SNTB1: variants seen among roughly 807,000 people sequenced by gnomAD.
The protein encoded by SNTB1 is syntrophin beta 1, also known as beta-1-syntrophin.
SNTB1 carries 36 observed loss-of-function variants against 48.9 expected under a neutral mutation model. That is an observed-to-expected ratio of 0.74 (90% CI 0.56 to 0.97). The LOEUF is 0.97. Among genes scored for constraint, SNTB1 ranks in the 50% least tolerant of loss-of-function variants. SNTB1 has a pLI of 0.00. For synonymous variants in SNTB1, 299 were observed against 294.6 expected (o/e 1.01, Z -0.15); for missense variants, 786 against 703.4 (o/e 1.12, Z -1.33).
rs1815887373 is a variant in SNTB1 at position 120,573,242 on chromosome 8, C to T, written c.1136+1844G>A. On this transcript the variant is annotated intron_variant, in intron 4 of 6. Coordinates refer to ENST00000517992, the MANE Select transcript of SNTB1 (RefSeq NM_021021.4). The stretch of plus-strand genomic sequence containing the variant: ...ATAAACAACACTCATTATCATTTGT[C>T]TTTTTGACAATAGCCATCCTAACAC... 2.0e-5 allele frequency among the ~76,000 whole-genome samples: 3 copies of T among 152,140 alleles called. No individual in the cohort carries two copies. In the South Asian group the frequency reaches 6.2e-4, roughly 32 times the overall value.
At position 120,632,427 on chromosome 8, in the gene SNTB1, G is replaced by C; in HGVS notation, c.996+17C>G. ...CTCGGGGAGGACGACTATTACAGAGGAAGGTATTTTCCTTACCTTTTCTGC... is the reference window on the plus strand; with the variant it reads ...CTCGGGGAGGACGACTATTACAGAGCAAGGTATTTTCCTTACCTTTTCTGC... On this transcript the variant is annotated intron_variant, in intron 3 of 6. Coordinates refer to ENST00000517992, the MANE Select transcript of SNTB1 (RefSeq NM_021021.4). 6.2e-7 allele frequency: 1 copy of C among 1,607,124 alleles called. No individual in the cohort carries two copies. Among genetic ancestry groups the C allele is most frequent in the Non-Finnish European group, 8.5e-7 (1 of 1,175,284 alleles).
intron 3 of SNTB1, among the ~76,000 whole-genome samples, chr8:120,593,105 C>T (rs966253392): frequency 6.6e-6 from 1 of 152,048 alleles, no homozygotes; most frequent in Non-Finnish European, 1.5e-5. Context: ...TTTGATTTTC[C>T]ATCTTCTCAA....
At chr8:120,642,889 T>G (rs573392366) in intron 2 of SNTB1, among the ~76,000 whole-genome samples, 1 of 152,236 alleles carries the variant, frequency 6.6e-6, no homozygotes, top group South Asian at 2.1e-4. Flanking sequence ...CCAGCCTGGG[T>G]GACAGAGCAA....
At chr8:120,710,810 AT>A (rs745525498) in intron 1 of SNTB1, among the ~76,000 whole-genome samples, 33 of 151,866 alleles carry the variant, frequency 2.2e-4, no homozygotes, top group South Asian at 4.2e-4. Flanking sequence ...TAAGAAATAA[AT>A]TTTTTTTTCT....
At chr8:120,709,348 G>A (rs1403827468) in intron 1 of SNTB1, among the ~76,000 whole-genome samples, 1 of 152,182 alleles carries the variant, frequency 6.6e-6, no homozygotes, top group Non-Finnish European at 1.5e-5. Flanking sequence ...TCTGGGATGA[G>A]AGTGAACTAT....
chr8:120,794,920 G>C (rs1183004554), intron 1 of SNTB1, among the ~76,000 whole-genome samples: 5 of 151,748 alleles, frequency 3.3e-5, no homozygotes, highest in Non-Finnish European at 7.4e-5. Flanking sequence ...CTACTTTCTG[G>C]TCAGTCTATC....
In SNTB1 at chr8:120,668,910, C is replaced by A. The variant is rs930089445; in HGVS notation, c.788+24782G>T. Among the ~76,000 whole-genome samples, 6 of 152,304 alleles carry A rather than the reference C, an allele frequency of 3.9e-5. No individual in the cohort carries two copies. The East Asian group carries it at 9.6e-4, about 24-fold the overall frequency. ...CTCTGTTTCATGCTATTACTCTATT[C>A]CCATAACCATAATAGAAAGTTGGCT... is the stretch of plus-strand genomic sequence containing the variant. On this transcript the variant is annotated intron_variant, in intron 2 of 6. Coordinates refer to ENST00000517992, the MANE Select transcript of SNTB1 (RefSeq NM_021021.4).
At chr8:120,640,221 T>C (rs536585442) in intron 2 of SNTB1, among the ~76,000 whole-genome samples, 1 of 152,298 alleles carries the variant, frequency 6.6e-6, no homozygotes, top group East Asian at 1.9e-4. Flanking sequence ...TTTTTGCACA[T>C]TGATTTTGTA....
chr8:120,637,397 T>TA (rs1454455439), intron 2 of SNTB1: 1 of 209,830 alleles, frequency 4.8e-6, no homozygotes, highest in African/African-American at 2.4e-5. Context: ...TTCAACTTTT[T>TA]ATGACTGTTG....
Position 120,713,955 on chromosome 8 carries a change from A to G in SNTB1, c.572-20047T>C, listed in dbSNP as rs965020766. ...AATTATTATTTAAAAGAGGAAGCCC[A>G]GGAACAAGAGAGTGTTAGAGCCAGG... On this transcript the variant is annotated intron_variant, in intron 1 of 6. Transcript: ENST00000517992. 2.6e-5 allele frequency among the ~76,000 whole-genome samples: 4 copies of G among 152,246 alleles called. No homozygotes were observed. The South Asian group carries it at 8.3e-4, about 32-fold the overall frequency.
intron 1 of SNTB1, among the ~76,000 whole-genome samples, chr8:120,801,224 T>C (rs180856016): frequency 2.3e-4 from 35 of 152,176 alleles, no homozygotes; most frequent in Non-Finnish European, 4.3e-4. Flanking sequence ...GATGAAAGTA[T>C]TTGAAATGCA....
At chr8:120,647,022 C>T (rs1241594904) in intron 2 of SNTB1, among the ~76,000 whole-genome samples, 1 of 150,788 alleles carries the variant, frequency 6.6e-6, no homozygotes, top group Non-Finnish European at 1.5e-5. Context: ...TCCCCTTTAT[C>T]ATTTTTTATT....
chr8:120,547,876 C>T (rs1487400783), intron 5 of SNTB1, among the ~76,000 whole-genome samples: 1 of 152,156 alleles, frequency 6.6e-6, no homozygotes, highest in Non-Finnish European at 1.5e-5. Context: ...TCCGCTTATC[C>T]CCAGCTCAAT....
chr8:120,566,220 T>C (rs1490734335), intron 4 of SNTB1, among the ~76,000 whole-genome samples: 1 of 151,396 alleles, frequency 6.6e-6, no homozygotes, highest in Non-Finnish European at 1.5e-5. Flanking sequence ...TCCTAGCTAC[T>C]TGGGAGGCTA....
At chr8:120,800,301 T>G (rs1485893424) in intron 1 of SNTB1, among the ~76,000 whole-genome samples, 1 of 152,088 alleles carries the variant, frequency 6.6e-6, no homozygotes, top group Non-Finnish European at 1.5e-5. Context: ...TAAAAGAGAA[T>G]GAAAATGCCA....
chr8:120,687,581 C>T (rs1264639372), intron 2 of SNTB1, among the ~76,000 whole-genome samples: 1 of 152,216 alleles, frequency 6.6e-6, no homozygotes, highest in Non-Finnish European at 1.5e-5. Context: ...TCTATTAGCA[C>T]ACCTTCTATT....
At chr8:120,609,240 A>G (rs971814551) in intron 3 of SNTB1, among the ~76,000 whole-genome samples, 4 of 152,368 alleles carry the variant, frequency 2.6e-5, no homozygotes, top group Admixed American at 6.5e-5. Context: ...CTTAAAAACT[A>G]GACAAGCCAA....
At chr8:120,687,272 G>A (rs182268979) in intron 2 of SNTB1, among the ~76,000 whole-genome samples, 38 of 152,212 alleles carry the variant, frequency 2.5e-4, no homozygotes, top group African/African-American at 9.1e-4. Flanking sequence ...CTCAAAACAG[G>A]GTACTATGAG....
At chr8:120,663,870 G>A (rs145038399) in intron 2 of SNTB1, among the ~76,000 whole-genome samples, 7 of 152,256 alleles carry the variant, frequency 4.6e-5, no homozygotes, top group African/African-American at 9.6e-5. Flanking sequence ...CTAAAGATCC[G>A]ATTACAGCAG....
Sources: allele counts gnomAD v4.1 joint callset (sites outside exome capture counted in the v4.1 genomes callset), GRCh38; gene constraint gnomAD v4.1.1; transcripts MANE v1.5; gene names NCBI Gene and HGNC (gene_info 2026-07-23, HGNC 2026-07-21).